Variants in FAM221A observed in about 807,000 individuals in gnomAD.
FAM221A encodes the protein family with sequence similarity 221 member A.
In FAM221A, 43 loss-of-function variants were observed where a neutral mutation model predicts 37.6. The observed-to-expected ratio is 1.15, with a 90% CI of 0.90 to 1.48. The LOEUF (loss-of-function observed/expected upper bound fraction) is 1.48. FAM221A is among the 40% of genes most tolerant of loss of function. The probability of loss-of-function intolerance (pLI) is 0.00; values close to 1 mark genes in which losing one functional copy is unlikely to be tolerated. For synonymous variants in FAM221A, 135 were observed against 132.9 expected (o/e 1.02, Z -0.11); for missense variants, 361 against 361.5 (o/e 1.00, Z 0.01).
At chr7:23,690,428 C>T (rs1314541142) in intron 3 of FAM221A, among the ~76,000 whole-genome samples, 1 of 151,798 alleles carries the variant, frequency 6.6e-6, no homozygotes, top group Non-Finnish European at 1.5e-5. Flanking sequence ...TGTTCTCAAA[C>T]CCCTGACCTC....
At chr7:23,701,663 G>A (rs1785466107) in intron 6 of FAM221A, among the ~76,000 whole-genome samples, 1 of 152,136 alleles carries the variant, frequency 6.6e-6, no homozygotes, top group Non-Finnish European at 1.5e-5. Flanking sequence ...TAACTACAAT[G>A]GAGGAGGAAA....
chr7:23,680,311 C>T, intron 1 of FAM221A, 28 bp downstream of exon 1: 1 of 1,510,276 alleles, frequency 6.6e-7, no homozygotes, highest in Non-Finnish European at 8.9e-7. Flanking sequence ...GGCCTGCCCC[C>T]CCGCCGCTCC....
chr7:23,695,873 C>G (rs1233275354), intron 4 of FAM221A, among the ~76,000 whole-genome samples: 1 of 152,092 alleles, frequency 6.6e-6, no homozygotes, highest in Non-Finnish European at 1.5e-5. Context: ...TGTGACTCTT[C>G]TTATTCTTGA....
intron 2 of FAM221A, among the ~76,000 whole-genome samples, chr7:23,684,904 T>C (rs1784276821): frequency 6.6e-6 from 1 of 152,040 alleles, no homozygotes; most frequent in South Asian, 2.1e-4. Context: ...GAGCTATGAT[T>C]GTGCAACTGC....
At chr7:23,680,360 G>A in intron 1 of FAM221A, 77 bp downstream of exon 1, 1 of 1,233,310 alleles carries the variant, frequency 8.1e-7, no homozygotes, top group Non-Finnish European at 1.1e-6. Context: ...GCGAGCAGGG[G>A]CCCGGCGGGC....
At chr7:23,688,887 C>G (rs1244747827) in intron 2 of FAM221A, 2 of 154,540 alleles carry the variant, frequency 1.3e-5, no homozygotes, top group African/African-American at 4.8e-5. Context: ...CCGCCCGCCT[C>G]AGCCTCCCAA....
At chr7:23,689,085 C>T in intron 2 of FAM221A, 184 bp from the exon 3 acceptor site, 1 of 429,364 alleles carries the variant, frequency 2.3e-6, no homozygotes, top group Non-Finnish European at 4.1e-6. Context: ...TAAAGATTTC[C>T]TCTGACCAAA....
At chr7:23,686,152 T>G (rs1784354496) in intron 2 of FAM221A, 3 of 282,800 alleles carry the variant, frequency 1.1e-5, no homozygotes, top group Admixed American at 4.9e-5. Context: ...TAAAGAGGGG[T>G]TTGGTAAGTT....
rs990746083 is a variant in FAM221A at position 23,680,263 on chromosome 7, C to G, written c.45C>G (p.Asp15Glu). The change falls in exon 1 of 7, where the codon GAC becomes GAG. Residue 15 changes from aspartate to glutamate, a missense_variant. By Grantham distance (45) the Asp-to-Glu change is conservative (BLOSUM62 2). Transcript: ENST00000344962. ...TLPLGGAAAV[D>E]EYLEYRRIVG... ...CTCTCGGCGGCGCGGCGGCGGTGGACGAGTACCTGGAGTACCGGAGGTGAG... is the reference window on the plus strand; with the variant it reads ...CTCTCGGCGGCGCGGCGGCGGTGGAGGAGTACCTGGAGTACCGGAGGTGAG... 110 of 1,548,284 alleles carry G rather than the reference C, an allele frequency of 7.1e-5. No individual in the cohort carries two copies. Among genetic ancestry groups the G allele is most frequent in the Non-Finnish European group, 9.3e-5 (106 of 1,145,836 alleles).
At chr7:23,695,559 G>A (rs962680316) in intron 4 of FAM221A, among the ~76,000 whole-genome samples, 1 of 152,088 alleles carries the variant, frequency 6.6e-6, no homozygotes, top group East Asian at 1.9e-4. Flanking sequence ...TTTTAGTAGA[G>A]GCATGGTTTC....
chr7:23,690,637 T>A (rs1584267568), intron 3 of FAM221A, among the ~76,000 whole-genome samples: 1 of 152,212 alleles, frequency 6.6e-6, no homozygotes, highest in Non-Finnish European at 1.5e-5. Flanking sequence ...TGTCATACAA[T>A]TAACCTATTT....
rs1182380582 is a variant in FAM221A at position 23,691,502 on chromosome 7, A to G, written c.543A>G (p.Pro181=). 6 of 1,614,234 alleles carry G rather than the reference A, an allele frequency of 3.7e-6. No homozygotes were observed. The highest frequency in any genetic ancestry group is 2.2e-5 in the South Asian group (2 of 91,090). ...TKQERLAQEK[P]VGQDIPYAAM... Reference sequence around the variant, plus strand: ...AAGAAAGATTGGCTCAGGAAAAACCAGTGGGACAGGACATTCCTTATGCAG... The same window carrying G: ...AAGAAAGATTGGCTCAGGAAAAACCGGTGGGACAGGACATTCCTTATGCAG... The change falls in exon 4 of 7, where the codon CCA becomes CCG. Residue 181 remains proline, a synonymous_variant. Coordinates refer to ENST00000344962, the MANE Select transcript of FAM221A (RefSeq NM_199136.5).
At chr7:23,686,544 G>A in intron 2 of FAM221A, 1 of 239,652 alleles carries the variant, frequency 4.2e-6, no homozygotes, top group South Asian at 4.4e-5. Context: ...CAGATTACAC[G>A]TGTGCGCCAC....
At chr7:23,691,787 T>C (rs1450117825) in intron 4 of FAM221A, among the ~76,000 whole-genome samples, 191 bp downstream of exon 4, 1 of 152,212 alleles carries the variant, frequency 6.6e-6, no homozygotes, top group Non-Finnish European at 1.5e-5. Flanking sequence ...ACCTATTTAG[T>C]ATCCATAAAA....
rs1359931561 is a variant in FAM221A, at chr7:23,680,213, C to A, written c.-6C>A. 1 of 1,549,098 alleles carries A rather than the reference C, an allele frequency of 6.5e-7. No homozygotes were observed. The highest frequency in any genetic ancestry group is 1.2e-5 in the South Asian group (1 of 83,966). ...CGCAGGGAAGCCTTTGGCTTCCCCA[C>A]CGGCAATGGAGCGGTTGACGTTGCC... On this transcript the variant is annotated 5_prime_UTR_variant, in exon 1 of 7. Transcript: ENST00000344962.
chr7:23,680,387 G>C, intron 1 of FAM221A, 104 bp downstream of exon 1: 1 of 857,752 alleles, frequency 1.2e-6, no homozygotes, highest in Non-Finnish European at 1.8e-6. Flanking sequence ...GGGGGTTCCC[G>C]GAATCTGTGC....
At chr7:23,690,194 TATATA>T (rs796318431) in intron 3 of FAM221A, among the ~76,000 whole-genome samples, 3,424 of 54,262 alleles carry the variant, frequency 0.063, 63 homozygotes, top group Non-Finnish European at 0.1. Flanking sequence ...TATATATATA[TATATA>T]TTTTTTTTTT....
chr7:23,698,104 G>A lies in FAM221A; in HGVS notation c.638-88G>A, dbSNP rs932268788. 21 of 773,214 alleles carry A rather than the reference G, an allele frequency of 2.7e-5. No homozygotes were observed. In the African/African-American group the frequency reaches 3.3e-4, roughly 12 times the overall value. 47.9% of individuals were successfully genotyped at this position (773,214 alleles called of 1,614,324 possible). A position where few individuals can be genotyped will look rare whatever the true frequency, so the allele number is the denominator to read the frequency against. The stretch of plus-strand genomic sequence containing the variant: ...AAAGAATTTCTAATAATTCTGCTGA[G>A]GTTCCAATTTATTTTACATTAGAAG... On this transcript the variant is annotated intron_variant, in intron 4 of 6. Coordinates refer to ENST00000344962, the MANE Select transcript of FAM221A (RefSeq NM_199136.5).
chr7:23,688,057 T>TC (rs1030565244), intron 2 of FAM221A: 1 of 152,000 alleles, frequency 6.6e-6, no homozygotes, highest in Non-Finnish European at 1.5e-5. Flanking sequence ...CTTTTTTTTT[T>TC]CTTTTGAGAC....
Sources: allele counts gnomAD v4.1 joint callset (sites outside exome capture counted in the v4.1 genomes callset), GRCh38; gene constraint gnomAD v4.1.1; transcripts MANE v1.5; gene names NCBI Gene and HGNC (gene_info 2026-07-23, HGNC 2026-07-21).